HSD17B4: variants seen among roughly 807,000 people sequenced by gnomAD.
HSD17B4 encodes the protein peroxisomal multifunctional enzyme type 2.
In HSD17B4, 70 loss-of-function variants were observed where a neutral mutation model predicts 101.0. The observed-to-expected ratio is 0.69, with a 90% CI of 0.57 to 0.85. The LOEUF (loss-of-function observed/expected upper bound fraction) is 0.85, where lower values mean the gene tolerates loss of function less well. Ranked by LOEUF, HSD17B4 falls within the 40% of genes least tolerant of loss-of-function variation. The probability of loss-of-function intolerance (pLI) is 0.00; values close to 1 mark genes in which losing one functional copy is unlikely to be tolerated. For synonymous variants in HSD17B4, 347 were observed against 297.1 expected, an observed-to-expected ratio of 1.17 and a Z score of -1.73; for missense variants, 984 against 892.4, an observed-to-expected ratio of 1.10 and a Z score of -1.31.
chr5:119,527,287 T>C, intron 20 of HSD17B4, 68 bp downstream of exon 20: 1 of 889,040 alleles, frequency 1.1e-6, no homozygotes, highest in Non-Finnish European at 1.9e-6. Flanking sequence ...CATTTTTTTT[T>C]GGTTAGTACT....
At position 119,477,400 on chromosome 5, in the gene HSD17B4, A is replaced by C. The variant is rs754175509; in HGVS notation, c.350-17A>C. The C allele has an allele frequency of 8.4e-6, 13 of 1,541,528 alleles. No homozygotes were observed. Among genetic ancestry groups the C allele is most frequent in the Admixed American group, 6.7e-5 (4 of 59,646 alleles). On this transcript the variant is annotated splice_polypyrimidine_tract_variant and intron_variant, in intron 6 of 23. Coordinates refer to ENST00000510025, the MANE Select transcript of HSD17B4 (RefSeq NM_000414.4). The stretch of plus-strand genomic sequence containing the variant: ...AGTTTTTACAAAATATTTAATAAAA[A>C]TAATTTATTGTTTTAGATATAATCC...
chr5:119,523,724 A>G (rs1384316378), intron 17 of HSD17B4, among the ~76,000 whole-genome samples: 1 of 152,202 alleles, frequency 6.6e-6, no homozygotes, highest in African/African-American at 2.4e-5. Flanking sequence ...TTGTTGCTAT[A>G]ATCTTTAAAA....
intron 1 of HSD17B4, chr5:119,452,918 A>C (rs925982162): frequency 2.0e-5 from 28 of 1,379,332 alleles, no homozygotes; most frequent in African/African-American, 2.9e-5. Flanking sequence ...AAACTGGGTG[A>C]AAGTTCTCCC....
chr5:119,479,750 A>G (rs796494120), intron 8 of HSD17B4, among the ~76,000 whole-genome samples: 9 of 152,066 alleles, frequency 5.9e-5, no homozygotes, highest in African/African-American at 2.2e-4. Context: ...ATTGGGGGAG[A>G]TCTTGGTTGC....
At chr5:119,475,757 G>A (rs781642919) in intron 5 of HSD17B4, 30 bp downstream of exon 5, 2 of 1,584,246 alleles carry the variant, frequency 1.3e-6, no homozygotes, top group East Asian at 4.5e-5. Context: ...TTTTAGTGAT[G>A]TGTGTATAAT....
chr5:119,512,038 A>G (rs1019799681), intron 16 of HSD17B4, among the ~76,000 whole-genome samples: 7 of 152,210 alleles, frequency 4.6e-5, no homozygotes, highest in African/African-American at 1.7e-4. Flanking sequence ...TCAAATAGGA[A>G]ATTTGGAGCT....
At chr5:119,513,240 A>T (rs1752329466) in intron 16 of HSD17B4, among the ~76,000 whole-genome samples, 1 of 152,236 alleles carries the variant, frequency 6.6e-6, no homozygotes, top group Non-Finnish European at 1.5e-5. Context: ...AAAGCTTGGA[A>T]ATGTTATATT....
chr5:119,517,451 C>T (rs575949158), intron 17 of HSD17B4, among the ~76,000 whole-genome samples: 16 of 152,344 alleles, frequency 1.1e-4, no homozygotes, highest in African/African-American at 2.2e-4. Flanking sequence ...TGCTCCACGG[C>T]GCCCAGTCCC....
At chr5:119,501,494 TAC>T (rs1751160818) in intron 13 of HSD17B4, among the ~76,000 whole-genome samples, 1 of 152,266 alleles carries the variant, frequency 6.6e-6, no homozygotes, top group South Asian at 2.1e-4. Flanking sequence ...GCTATTAAGT[TAC>T]ACAGTGTCCT....
chr5:119,498,342 A>G (rs924254669), intron 12 of HSD17B4, among the ~76,000 whole-genome samples: 1 of 152,184 alleles, frequency 6.6e-6, no homozygotes, highest in Non-Finnish European at 1.5e-5. Context: ...TAGTGCTTCT[A>G]TTCTAGTACA....
Position 119,527,607 on chromosome 5 carries a change from A to G in HSD17B4, c.1767+388A>G, listed in dbSNP as rs77577008. Among the ~76,000 whole-genome samples, 603 of 152,236 alleles carry G rather than the reference A, an allele frequency of 4.0e-3. 2 individuals are homozygous for G. Among genetic ancestry groups the G allele is most frequent in the African/African-American group, 0.014 (581 of 41,558 alleles). On this transcript the variant is annotated intron_variant, in intron 20 of 23. Transcript: ENST00000510025. ...GACAGATATACAGTGAAAACATGACAGAAATCTATCTGACTCATTAATGAA... is the reference window on the plus strand; with the variant it reads ...GACAGATATACAGTGAAAACATGACGGAAATCTATCTGACTCATTAATGAA...
chr5:119,495,738 T>C, intron 11 of HSD17B4: 1 of 187,746 alleles, frequency 5.3e-6, no homozygotes, highest in Non-Finnish European at 1.2e-5. Context: ...TGGCATGATC[T>C]CAGCTCACTA....
At chr5:119,500,347 A>C (rs1001018112) in intron 13 of HSD17B4, among the ~76,000 whole-genome samples, 1 of 151,796 alleles carries the variant, frequency 6.6e-6, no homozygotes, top group African/African-American at 2.4e-5. Flanking sequence ...CATTGTATAT[A>C]GTTATACATT....
At chr5:119,506,788 A>G (rs1299343517) in intron 14 of HSD17B4, 30 bp from the exon 15 acceptor site, 2 of 1,250,940 alleles carry the variant, frequency 1.6e-6, no homozygotes, top group African/African-American at 2.9e-5. Flanking sequence ...GGTTTTTAAG[A>G]CACTGTATTT....
chr5:119,482,238 A>T (rs1043425104), intron 8 of HSD17B4, among the ~76,000 whole-genome samples: 1 of 152,020 alleles, frequency 6.6e-6, no homozygotes, highest in Non-Finnish European at 1.5e-5. Flanking sequence ...GTATTGACAT[A>T]TCTTCAAGGT....
In HSD17B4 at chr5:119,531,286, C is replaced by G. The variant is rs745478996; in HGVS notation, c.1875C>G (p.Thr625=). The G allele has an allele frequency of 2.5e-6, 4 of 1,613,546 alleles. No individual in the cohort carries two copies. Among genetic ancestry groups the G allele is most frequent in the Non-Finnish European group, 3.4e-6 (4 of 1,179,746 alleles). Residue 625 remains threonine, a synonymous_variant, in exon 22 of 24, where the codon ACC becomes ACG. Coordinates refer to ENST00000510025, the MANE Select transcript of HSD17B4 (RefSeq NM_000414.4). The stretch of plus-strand genomic sequence containing the variant: ...GTTAGGGCGGGAAGCTTCAGAGTAC[C>G]TTTGTATTTGAGGAAATAGGACGCC... ...TPSEGGKLQS[T]FVFEEIGRRL... is the part of the protein sequence containing the mutation.
intron 16 of HSD17B4, among the ~76,000 whole-genome samples, chr5:119,514,723 G>T (rs1179498451): frequency 1.3e-5 from 2 of 152,100 alleles, no homozygotes; most frequent in African/African-American, 4.8e-5. Flanking sequence ...TTTCTCCATT[G>T]TGGCCTGGAG....
At chr5:119,518,121 T>G (rs902463305) in intron 17 of HSD17B4, among the ~76,000 whole-genome samples, 7 of 152,106 alleles carry the variant, frequency 4.6e-5, no homozygotes, top group Non-Finnish European at 1.0e-4. Context: ...TTCCACACTG[T>G]GGAAGCTTTG....
At chr5:119,486,323 C>T (rs1411498347) in intron 8 of HSD17B4, among the ~76,000 whole-genome samples, 7 of 152,186 alleles carry the variant, frequency 4.6e-5, no homozygotes, top group Non-Finnish European at 1.0e-4. Context: ...ACATGGGGGT[C>T]ATTGGAGGTC....
Sources: gnomAD v4.1 joint callset for allele counts (sites outside exome capture counted in the v4.1 genomes callset) on GRCh38, gnomAD v4.1.1 for gene constraint, MANE v1.5 for transcripts, NCBI Gene and HGNC (gene_info 2026-07-23, HGNC 2026-07-21) for gene names.